The following RALGDS variants were observed in gnomAD, a reference collection of about 807,000 sequenced individuals.
The protein encoded by RALGDS is ral guanine nucleotide dissociation stimulator, also known as ral guanine nucleotide exchange factor.
A neutral mutation model predicts 99.8 loss-of-function variants in RALGDS; 44 were observed. The observed-to-expected ratio is 0.44, with a 90% confidence interval of 0.35 to 0.57. RALGDS has a LOEUF of 0.57. Among genes scored for constraint, RALGDS ranks in the 20% least tolerant of loss-of-function variants. The pLI, the probability that RALGDS is intolerant of heterozygous loss-of-function variation, is 0.01. For missense variants in RALGDS, 1,022 were observed against 1,203.1 expected, an observed-to-expected ratio of 0.85 and a Z score of 2.23; for synonymous variants, 529 against 505.0, an observed-to-expected ratio of 1.05 and a Z score of -0.64.
rs73662448 is a variant in RALGDS at position 133,102,938 on chromosome 9, C to T, written c.1792-38G>A. 5,563 of 1,610,278 alleles carry T rather than the reference C, an allele frequency of 3.5e-3. 194 individuals carry two copies. In the African/African-American group the frequency reaches 0.066, roughly 19 times the overall value. ...GGAAGCACAGGGCGGTGACAAGGCC[C>T]CCCGGGCAGCACAGGGGCCAGTCTC... On this transcript the variant is annotated intron_variant, in intron 12 of 17. Transcript: ENST00000372050.
chr9:133,113,897 A>T (rs973221846), intron 1 of RALGDS, among the ~76,000 whole-genome samples: 2 of 152,190 alleles, frequency 1.3e-5, no homozygotes, highest in South Asian at 4.1e-4. Flanking sequence ...CAAGCCCGCC[A>T]CAGGGGACTA....
At chr9:133,126,806 G>A (rs1313418212) in intron 1 of RALGDS, among the ~76,000 whole-genome samples, 1 of 152,238 alleles carries the variant, frequency 6.6e-6, no homozygotes, top group Non-Finnish European at 1.5e-5. Context: ...GCAGGCAGAC[G>A]GAGGCGAGGA....
At chr9:133,100,744 C>T (rs907867498) in intron 16 of RALGDS, 10 of 1,173,858 alleles carry the variant, frequency 8.5e-6, no homozygotes, top group Non-Finnish European at 9.6e-6. Flanking sequence ...AGTCCAAGCC[C>T]TGGAGGTAAG....
At position 133,102,562 on chromosome 9, in the gene RALGDS, C is replaced by G. The variant is rs1410574159; in HGVS notation, c.1923G>C (p.Leu641=). The change falls in exon 14 of 18, where the codon CTG becomes CTC. Residue 641 remains leucine, a synonymous_variant. Coordinates refer to ENST00000372050, the MANE Select transcript of RALGDS (RefSeq NM_006266.4). ...CGGATGGGGGCTCCAGCTCGCACGA[C>G]AGGTTGTAGCTATGAGCAGAGGGGC... The part of the protein sequence containing the change: ...ERLSETESYN[L]SCELEPPSES... 7 of 1,614,054 alleles carry G rather than the reference C, an allele frequency of 4.3e-6. No homozygotes were observed. The highest frequency in any genetic ancestry group is 5.9e-6 in the Non-Finnish European group (7 of 1,180,022).
chr9:133,112,442 G>A (rs991382336), intron 1 of RALGDS, among the ~76,000 whole-genome samples: 17 of 152,108 alleles, frequency 1.1e-4, no homozygotes, highest in African/African-American at 4.1e-4. Context: ...CCACCCTCAA[G>A]CCATCCCCTT....
In RALGDS at chr9:133,108,247, G is replaced by C. The variant is rs777969180; in HGVS notation, c.938C>G (p.Pro313Arg). ...SELEVAPAPA[P>R]ELQQAPEPAV... ...TGGCTCTGGAGCCTGCTGGAGCTCCGGAGCTGGTGCTGGAGCTACTTCTAG... is the reference window on the plus strand; with the variant it reads ...TGGCTCTGGAGCCTGCTGGAGCTCCCGAGCTGGTGCTGGAGCTACTTCTAG... Residue 313 changes from proline (P) to arginine (R), a missense_variant, in exon 6 of 18, where the codon CCG becomes CGG. By Grantham distance (103) the Pro-to-Arg change is moderately radical. This residue lies in a region of RALGDS where 825 missense variants were observed against 994.5 expected (regional missense o/e 0.83). Transcript: ENST00000372050. The C allele has an allele frequency of 6.2e-7, 1 of 1,602,634 alleles. No homozygotes were observed. The highest frequency in any genetic ancestry group is 1.7e-5 in the Admixed American group (1 of 57,976).
rs1830856967 is a variant in RALGDS, at chr9:133,103,420, G to T, written c.1759-158C>A. 2.6e-5 allele frequency among the ~76,000 whole-genome samples: 4 copies of T among 152,170 alleles called. No homozygotes were observed. The South Asian group carries it at 8.3e-4, about 32-fold the overall frequency. ...GGGCACCAGGGCAAGGGGACATGCG[G>T]GCAGAGGCTTGGGGACTTCTTGTCC... On this transcript the variant is annotated intron_variant, in intron 11 of 17. Coordinates refer to ENST00000372050, the MANE Select transcript of RALGDS (RefSeq NM_006266.4).
At chr9:133,139,645 C>A (rs1048375604) in intron 1 of RALGDS, among the ~76,000 whole-genome samples, 1 of 152,128 alleles carries the variant, frequency 6.6e-6, no homozygotes, top group African/African-American at 2.4e-5. Context: ...TCCTCGGGGC[C>A]GTAGTTCCCC....
At chr9:133,099,423 A>G (rs1830642663) in intron 17 of RALGDS, 1 of 153,172 alleles carries the variant, frequency 6.5e-6, no homozygotes. Flanking sequence ...CTGCCAGAGG[A>G]TTTAGACTGT....
upstream of RALGDS, among the ~76,000 whole-genome samples, chr9:133,125,946 G>A (rs1315368895): frequency 6.6e-6 from 1 of 152,140 alleles, no homozygotes; most frequent in East Asian, 1.9e-4. Context: ...GGGGACTGAG[G>A]CCGTGGGCAG....
Position 133,144,961 on chromosome 9 carries a change from C to T in RALGDS, c.18+4002G>A, listed in dbSNP as rs1832599663. 6.6e-6 allele frequency among the ~76,000 whole-genome samples: 1 copy of T among 152,184 alleles called. No homozygotes were observed. The highest frequency in any genetic ancestry group is 2.4e-5 in the African/African-American group (1 of 41,446). On this transcript the variant is annotated intron_variant, in intron 1 of 17. Transcript: ENST00000393160. This position sits in a 1 kb window ranked among gnomAD's most constrained non-coding sequence, Gnocchi z 4.5. ...GGAAAATTGGACAGACACGCACAGG[C>T]GGACAGACACGAACTGATGAAGGCA...
chr9:133,133,783 T>G (rs1480574408), upstream of RALGDS, among the ~76,000 whole-genome samples: 2 of 152,244 alleles, frequency 1.3e-5, no homozygotes, highest in Non-Finnish European at 1.5e-5. Context: ...ATAATGCACC[T>G]GGCCACACAC....
chr9:133,131,845 T>G (rs1422562679), upstream of RALGDS, among the ~76,000 whole-genome samples: 1 of 152,174 alleles, frequency 6.6e-6, no homozygotes, highest in Non-Finnish European at 1.5e-5. Flanking sequence ...CTTAGTTTGC[T>G]CCTTATAAAA....
At chr9:133,128,636 G>T (rs546017802) in intron 1 of RALGDS, among the ~76,000 whole-genome samples, 1 of 152,292 alleles carries the variant, frequency 6.6e-6, no homozygotes, top group East Asian at 1.9e-4. Context: ...CTTTCCTGTG[G>T]GTTTGGGGAA....
At chr9:133,138,968 C>T (rs1321194516) in intron 1 of RALGDS, among the ~76,000 whole-genome samples, 2 of 152,092 alleles carry the variant, frequency 1.3e-5, no homozygotes, top group African/African-American at 4.8e-5. Context: ...AATGCAAACC[C>T]CCACTCCCTC....
rs562675941 is a variant in RALGDS at position 133,129,339 on chromosome 9, G to A, written c.132+1613C>T. 3 of 1,558,566 alleles carry A rather than the reference G, an allele frequency of 1.9e-6. No homozygotes were observed. The African/African-American group carries it at 4.1e-5, about 21-fold the overall frequency. ...GCCATGGTGGGGCGAGAGCCAGGTGGGGAGTGGGCCCTGCGGGAGGCCCTC... is the reference window on the plus strand; with the variant it reads ...GCCATGGTGGGGCGAGAGCCAGGTGAGGAGTGGGCCCTGCGGGAGGCCCTC... On this transcript the variant is annotated intron_variant, in intron 1 of 17. Transcript: ENST00000372062.
intron 1 of RALGDS, among the ~76,000 whole-genome samples, chr9:133,115,541 A>T (rs1831559103): frequency 6.6e-6 from 1 of 152,010 alleles, no homozygotes; most frequent in African/African-American, 2.4e-5. Flanking sequence ...GGCCCACCAG[A>T]CAGCAGCTCC....
chr9:133,101,308 G>T, intron 16 of RALGDS: 3 of 1,404,422 alleles, frequency 2.1e-6, no homozygotes, highest in African/African-American at 1.4e-5. Flanking sequence ...TTCAGCTCCT[G>T]GGGGCTTTGC....
At chr9:133,148,296 G>A (rs942386335) in intron 1 of RALGDS, among the ~76,000 whole-genome samples, 1 of 152,212 alleles carries the variant, frequency 6.6e-6, no homozygotes, top group African/African-American at 2.4e-5. Context: ...TGATCACAGC[G>A]GTGAACACAG....
Sources: gnomAD v4.1 joint callset for allele counts (sites outside exome capture counted in the v4.1 genomes callset) on GRCh38, gnomAD v4.1.1 for gene constraint, gnomAD v4.1.1 regional missense constraint, Gnocchi (gnomAD v3.1) non-coding constraint, MANE v1.5 for transcripts, NCBI Gene and HGNC (gene_info 2026-07-23, HGNC 2026-07-21) for gene names.